Variants in INPP4B observed in about 807,000 individuals in gnomAD.
INPP4B encodes the protein inositol polyphosphate 4-phosphatase type II.
INPP4B carries 55 observed loss-of-function variants against 122.5 expected under a neutral mutation model. The ratio of observed to expected loss-of-function variants is 0.45; its 90% CI spans 0.36 to 0.56. INPP4B has a LOEUF of 0.56. Ranked by LOEUF, INPP4B falls within the 20% of genes least tolerant of loss-of-function variation. INPP4B has a pLI of 0.00. For missense variants in INPP4B, 1,000 were observed against 1,097.7 expected (o/e 0.91, Z 1.26); for synonymous variants, 403 against 388.7 (o/e 1.04, Z -0.43).
chr4:142,506,986 T>TC (rs1178941009), intron 2 of INPP4B, among the ~76,000 whole-genome samples: 1 of 152,170 alleles, frequency 6.6e-6, no homozygotes, highest in Admixed American at 6.5e-5. Context: ...ACAGTACTTC[T>TC]CCCATCTGCT....
chr4:142,596,152 T>A (rs913694137), intron 2 of INPP4B, among the ~76,000 whole-genome samples: 8 of 151,944 alleles, frequency 5.3e-5, no homozygotes, highest in African/African-American at 1.9e-4. Context: ...GCCAAATTTC[T>A]TTTTTTTAAT....
At chr4:142,043,361 T>C (rs1443816336) in intron 25 of INPP4B, among the ~76,000 whole-genome samples, 1 of 152,162 alleles carries the variant, frequency 6.6e-6, no homozygotes, top group African/African-American at 2.4e-5. Context: ...AAATATAAAA[T>C]ATACCAGAGA....
intron 2 of INPP4B, among the ~76,000 whole-genome samples, chr4:142,579,527 G>A (rs1364938893): frequency 6.6e-6 from 1 of 151,940 alleles, no homozygotes; most frequent in Non-Finnish European, 1.5e-5. Flanking sequence ...GGTAGGCTTA[G>A]TAAAGCAGAT....
At chr4:142,537,429 T>TAGAGAGAGAGAGAGAG (rs1157643466) in intron 2 of INPP4B, among the ~76,000 whole-genome samples, 4 of 25,484 alleles carry the variant, frequency 1.6e-4, no homozygotes, top group Non-Finnish European at 2.7e-4. Flanking sequence ...TATATATATA[T>TAGAGAGAGAGAGAGAG]AGAGAGAGAG....
intron 2 of INPP4B, among the ~76,000 whole-genome samples, chr4:142,524,963 C>T (rs963884079): frequency 3.0e-4 from 45 of 151,854 alleles, no homozygotes; most frequent in Middle Eastern, 3.4e-3. Context: ...TGTTTGCAGA[C>T]GACATGATTG....
rs1053027002 is a variant in INPP4B, at chr4:142,418,923, G to T, written c.136+10250C>A. ...CGAGGACTTGCCTGCTGGCGCAGGT[G>T]AGAGTTCACAGTGGCTTGGAATTGA... On this transcript the variant is annotated intron_variant, in intron 5 of 25. Transcript: ENST00000262992. Among the ~76,000 whole-genome samples the T allele has an allele frequency of 2.6e-5, 4 of 152,164 alleles. No individual in the cohort carries two copies. In the South Asian group the frequency reaches 8.3e-4, roughly 31 times the overall value.
intron 2 of INPP4B, among the ~76,000 whole-genome samples, chr4:142,471,056 A>G (rs1157802647): frequency 1.3e-5 from 2 of 152,188 alleles, no homozygotes; most frequent in African/African-American, 4.8e-5. Context: ...ATTTATGACT[A>G]TGGTTTGTGT....
intron 18 of INPP4B, among the ~76,000 whole-genome samples, chr4:142,125,622 A>T (rs904107176): frequency 2.6e-5 from 4 of 152,042 alleles, no homozygotes; most frequent in African/African-American, 7.2e-5. Context: ...TCTTCTGCAA[A>T]CTCAATTCAG....
At chr4:142,355,481 C>T (rs533271677) in intron 7 of INPP4B, among the ~76,000 whole-genome samples, 3 of 152,092 alleles carry the variant, frequency 2.0e-5, no homozygotes, top group South Asian at 4.1e-4. Context: ...CATGCCAATG[C>T]TATGCTTTTA....
intron 9 of INPP4B, among the ~76,000 whole-genome samples, chr4:142,281,707 C>A (rs2150789735): frequency 6.6e-6 from 1 of 152,034 alleles, no homozygotes; most frequent in African/African-American, 2.4e-5. Flanking sequence ...ATTCACTGAG[C>A]TTTAAATTAC....
At chr4:142,798,877 A>G (rs182031523) in intron 1 of INPP4B, among the ~76,000 whole-genome samples, 1 of 148,746 alleles carries the variant, frequency 6.7e-6, no homozygotes, top group Non-Finnish European at 1.5e-5. Flanking sequence ...TGTATAAAGT[A>G]TACTAAAGTT....
intron 9 of INPP4B, among the ~76,000 whole-genome samples, chr4:142,302,938 A>C (rs1453472366): frequency 6.6e-6 from 1 of 152,162 alleles, no homozygotes; most frequent in Non-Finnish European, 1.5e-5. Context: ...AACATAGTAA[A>C]TTCGCATTTA....
chr4:142,327,182 G>C (rs1772698189), intron 7 of INPP4B, among the ~76,000 whole-genome samples: 3 of 152,148 alleles, frequency 2.0e-5, no homozygotes, highest in Non-Finnish European at 4.4e-5. Flanking sequence ...TAATGAACGA[G>C]CCATTAGACA....
chr4:142,349,800 T>C (rs1469475709), intron 7 of INPP4B, among the ~76,000 whole-genome samples: 6 of 151,924 alleles, frequency 3.9e-5, no homozygotes, highest in Admixed American at 3.3e-4. Context: ...CATGAGCTTA[T>C]TTGTCAGCTA....
chr4:142,290,694 C>T (rs1390646735), intron 9 of INPP4B, among the ~76,000 whole-genome samples: 3 of 152,134 alleles, frequency 2.0e-5, no homozygotes, highest in Admixed American at 2.0e-4. Context: ...TGGTTATTTT[C>T]TCCTTTATGT....
intron 2 of INPP4B, among the ~76,000 whole-genome samples, chr4:142,613,151 C>T (rs969410155): frequency 6.6e-6 from 1 of 152,104 alleles, no homozygotes; most frequent in Admixed American, 6.6e-5. Context: ...AGCTTTTCTC[C>T]CTGATGATCA....
At chr4:142,682,563 A>G (rs1463860932) in intron 2 of INPP4B, among the ~76,000 whole-genome samples, 1 of 151,926 alleles carries the variant, frequency 6.6e-6, no homozygotes, top group East Asian at 1.9e-4. Context: ...TAATTCACCA[A>G]TAACATTTTA....
At chr4:142,053,690 G>A (rs1047896123) in intron 25 of INPP4B, among the ~76,000 whole-genome samples, 8 of 152,032 alleles carry the variant, frequency 5.3e-5, no homozygotes, top group Admixed American at 3.9e-4. Context: ...AACCATGAAT[G>A]ATAACCTAGA....
At chr4:142,798,615 T>A (rs1777590256) in intron 1 of INPP4B, among the ~76,000 whole-genome samples, 1 of 151,722 alleles carries the variant, frequency 6.6e-6, no homozygotes, top group Non-Finnish European at 1.5e-5. Context: ...TCATCAAAAG[T>A]GATGCAGATA....
Sources: gnomAD v4.1 joint callset for allele counts (sites outside exome capture counted in the v4.1 genomes callset) on GRCh38, gnomAD v4.1.1 for gene constraint, MANE v1.5 for transcripts, NCBI Gene and HGNC (gene_info 2026-07-23, HGNC 2026-07-21) for gene names.